Variants in ZDHHC21 observed in about 807,000 individuals in gnomAD.
ZDHHC21 encodes palmitoyltransferase ZDHHC21.
ZDHHC21 carries 15 observed loss-of-function variants against 34.6 expected under a neutral mutation model. The ratio of observed to expected loss-of-function variants is 0.43; its 90% confidence interval spans 0.29 to 0.67. ZDHHC21 has a LOEUF of 0.67. Among genes scored for constraint, ZDHHC21 ranks in the 30% least tolerant of loss-of-function variants. The probability of loss-of-function intolerance (pLI) is 0.14; values close to 1 mark genes in which losing one functional copy is unlikely to be tolerated. For missense variants in ZDHHC21, 344 were observed against 327.7 expected (o/e 1.05, Z -0.38); for synonymous variants, 142 against 101.8 (o/e 1.40, Z -2.38).
At chr9:14,683,956 G>A (rs1173720103) in intron 2 of ZDHHC21, among the ~76,000 whole-genome samples, 2 of 152,096 alleles carry the variant, frequency 1.3e-5, no homozygotes, top group South Asian at 2.1e-4. Context: ...AAAACCACAC[G>A]GTTATCTCAA....
chr9:14,657,823 A>T (rs903299351), intron 7 of ZDHHC21, among the ~76,000 whole-genome samples: 1 of 152,088 alleles, frequency 6.6e-6, no homozygotes, highest in African/African-American at 2.4e-5. Flanking sequence ...CCTTAATCTT[A>T]CTGAGGAATT....
intron 7 of ZDHHC21, among the ~76,000 whole-genome samples, chr9:14,642,852 G>A (rs1220049401): frequency 6.6e-6 from 1 of 152,182 alleles, no homozygotes; most frequent in Admixed American, 6.5e-5. Context: ...ATCAATAAAT[G>A]TATTTCTTTA....
the ZDHHC21 span, among the ~76,000 whole-genome samples, chr9:14,604,359 C>T: frequency 6.6e-6 from 1 of 152,076 alleles, no homozygotes; most frequent in African/African-American, 2.4e-5. Context: ...CCCAAATCTA[C>T]ATTAATAAAG....
the ZDHHC21 span, among the ~76,000 whole-genome samples, chr9:14,605,853 G>C: frequency 4.6e-5 from 7 of 151,974 alleles, no homozygotes; most frequent in Admixed American, 1.3e-4. Context: ...AAATAATTTA[G>C]TTTCTCACTA....
In ZDHHC21 at chr9:14,639,976, T is replaced by G; in HGVS notation, c.541A>C (p.Arg181=). The G allele has an allele frequency of 6.2e-7, 1 of 1,608,102 alleles. No homozygotes were observed. Among genetic ancestry groups the G allele is most frequent in the Non-Finnish European group, 8.5e-7 (1 of 1,176,748 alleles). Residue 181 remains arginine, a synonymous_variant, in exon 8 of 10, where the codon AGA becomes CGA. Transcript: ENST00000380916. ...FVFRHELAIM[R]LAAFMGITML... ...GTAATGCCCATAAAGGCTGCTAGTC[T>G]CATTATGGCCAATTCATGTCTAAAA...
At chr9:14,628,711 C>T (rs914941211) in intron 8 of ZDHHC21, among the ~76,000 whole-genome samples, 4 of 152,118 alleles carry the variant, frequency 2.6e-5, no homozygotes, top group East Asian at 1.9e-4. Flanking sequence ...CGAATTATGA[C>T]AAAAACATGT....
chr9:14,604,564 T>A, the ZDHHC21 span, among the ~76,000 whole-genome samples: 1 of 152,124 alleles, frequency 6.6e-6, no homozygotes, highest in African/African-American at 2.4e-5. Context: ...ATCTGTAACA[T>A]TGCATGTTTT....
the ZDHHC21 span, among the ~76,000 whole-genome samples, chr9:14,595,594 A>G: frequency 0.032 from 4,809 of 152,312 alleles, 150 homozygotes; most frequent in African/African-American, 0.075. Flanking sequence ...TGTGCACAAT[A>G]TAACAGGTGA....
chr9:14,641,214 C>CTGAT (rs1030169592), intron 7 of ZDHHC21, among the ~76,000 whole-genome samples: 15 of 152,150 alleles, frequency 9.9e-5, no homozygotes, highest in Non-Finnish European at 1.6e-4. Flanking sequence ...AAGCAAAAAT[C>CTGAT]TGATTCCACA....
intron 3 of ZDHHC21, among the ~76,000 whole-genome samples, chr9:14,675,064 A>G (rs1157205349): frequency 6.6e-6 from 1 of 152,016 alleles, no homozygotes; most frequent in African/African-American, 2.4e-5. Context: ...TGCCAAAAAT[A>G]CTAAAATTCA....
chr9:14,634,550 A>C (rs2133628655), intron 8 of ZDHHC21, among the ~76,000 whole-genome samples: 1 of 152,204 alleles, frequency 6.6e-6, no homozygotes, highest in Admixed American at 6.5e-5. Flanking sequence ...ACTAACAACC[A>C]CACCCTAAGC....
chr9:14,603,183 TTG>T, the ZDHHC21 span, among the ~76,000 whole-genome samples: 1 of 152,118 alleles, frequency 6.6e-6, no homozygotes, highest in African/African-American at 2.4e-5. Context: ...ATACATTTTG[TTG>T]TGTTTAAACT....
chr9:14,688,046 A>T (rs942294979), intron 2 of ZDHHC21, among the ~76,000 whole-genome samples: 16 of 150,996 alleles, frequency 1.1e-4, no homozygotes, highest in African/African-American at 4.0e-4. Flanking sequence ...ATAAAAATCA[A>T]GCTCTCATTG....
In ZDHHC21 at chr9:14,652,749, TG is replaced by T. The variant is rs147042290; in HGVS notation, c.504+5999del. ...AACATACAACGTACCAGTTTTCTAC[TG>T]AATACAGGTTAAGTGCCATTACATC... On this transcript the variant is annotated intron_variant, in intron 7 of 9. Coordinates refer to ENST00000380916, the MANE Select transcript of ZDHHC21 (RefSeq NM_178566.6). 6.1e-3 allele frequency among the ~76,000 whole-genome samples: 934 copies of T among 152,116 alleles called. 15 individuals are homozygous for T. The highest frequency in any genetic ancestry group is 0.021 in the African/African-American group (882 of 41,536).
chr9:14,654,720 G>A (rs1397161387), intron 7 of ZDHHC21, among the ~76,000 whole-genome samples: 1 of 152,022 alleles, frequency 6.6e-6, no homozygotes, highest in Non-Finnish European at 1.5e-5. Context: ...ACTGAATTAA[G>A]AACTCATTAG....
chr9:14,640,028 A>T lies in ZDHHC21; in HGVS notation c.505-16T>A. ...CAAAGAGGTCCTAAAAAGAAAAAGA[A>T]AGTCTTAAAAACCATTCAGAGTTGC... is the stretch of plus-strand genomic sequence containing the variant. On this transcript the variant is annotated splice_polypyrimidine_tract_variant and intron_variant, in intron 7 of 9. Transcript: ENST00000380916. The T allele has an allele frequency of 6.5e-7, 1 of 1,530,462 alleles. No individual in the cohort carries two copies. Among genetic ancestry groups the T allele is most frequent in the Non-Finnish European group, 9.0e-7 (1 of 1,116,354 alleles). 94.8% of individuals were successfully genotyped at this position (1,530,462 alleles called of 1,614,324 possible). A position where few individuals can be genotyped will look rare whatever the true frequency, so the allele number is the denominator to read the frequency against.
the ZDHHC21 span, among the ~76,000 whole-genome samples, chr9:14,591,043 G>A: frequency 6.6e-6 from 1 of 151,994 alleles, no homozygotes; most frequent in Non-Finnish European, 1.5e-5. Flanking sequence ...AATATCTAAG[G>A]GTAGTCTGTG....
intron 7 of ZDHHC21, among the ~76,000 whole-genome samples, chr9:14,649,751 G>A (rs1830893550): frequency 6.6e-6 from 1 of 152,040 alleles, no homozygotes; most frequent in Non-Finnish European, 1.5e-5. Flanking sequence ...GCATCTGACT[G>A]TCAGGTTCAT....
At chr9:14,667,403 C>G (rs1834657559) in intron 5 of ZDHHC21, among the ~76,000 whole-genome samples, 1 of 151,970 alleles carries the variant, frequency 6.6e-6, no homozygotes, top group Admixed American at 6.6e-5. Context: ...GGATTCACAG[C>G]CAAATTCTAC....
Sources: gnomAD v4.1 joint callset for allele counts (sites outside exome capture counted in the v4.1 genomes callset) on GRCh38, gnomAD v4.1.1 for gene constraint, MANE v1.5 for transcripts, NCBI Gene and HGNC (gene_info 2026-07-23, HGNC 2026-07-21) for gene names.